Variants in SPPL2A observed in about 807,000 individuals in gnomAD.
SPPL2A encodes signal peptide peptidase-like 2A.
SPPL2A carries 51 observed loss-of-function variants against 63.8 expected under a neutral mutation model. The ratio of observed to expected loss-of-function variants is 0.80; its 90% CI spans 0.64 to 1.01. The LOEUF (loss-of-function observed/expected upper bound fraction) is 1.01. SPPL2A is among the 50% of genes least tolerant of loss of function. The pLI, the probability that SPPL2A is intolerant of heterozygous loss-of-function variation, is 0.00. For missense variants in SPPL2A, 553 were observed against 622.7 expected, an observed-to-expected ratio of 0.89 and a Z score of 1.19; for synonymous variants, 188 against 205.8, an observed-to-expected ratio of 0.91 and a Z score of 0.74.
Position 50,731,044 on chromosome 15 carries a change from CA to C in SPPL2A, c.1015-6del. ...GCCTAGAAGTATCACACATGACTGT[CA>C]AAGAAAGAAACAAAATTAAAGGTCA... On this transcript the variant is annotated splice_polypyrimidine_tract_variant and splice_region_variant and intron_variant, in intron 9 of 14. Transcript: ENST00000261854. 7.1e-7 allele frequency: 1 copy of C among 1,409,178 alleles called. No homozygotes were observed. The allele number at this position is 1,409,178 out of a possible 1,614,324, so 87.3% of individuals were successfully genotyped here.
intron 1 of SPPL2A, among the ~76,000 whole-genome samples, chr15:50,760,027 G>A (rs547699720): frequency 4.7e-4 from 72 of 152,296 alleles, no homozygotes; most frequent in South Asian, 1.0e-3. Flanking sequence ...TGAAGAACCT[G>A]AAAGTTAAAA....
At chr15:50,723,735 C>A (rs1192171427) in intron 12 of SPPL2A, among the ~76,000 whole-genome samples, 2 of 152,164 alleles carry the variant, frequency 1.3e-5, no homozygotes, top group African/African-American at 4.8e-5. Context: ...CTCAGTCTCC[C>A]AAAGGGCCGG....
Position 50,707,250 on chromosome 15 carries a change from C to CTGGG in SPPL2A, c.*546_*549dup, listed in dbSNP as rs2062516457. 3 of 152,414 alleles carry CTGGG rather than the reference C, an allele frequency of 2.0e-5. No individual in the cohort carries two copies. The highest frequency in any genetic ancestry group is 7.2e-5 in the African/African-American group (3 of 41,558). The allele number at this position is 152,414 out of a possible 1,614,324, so 9.4% of individuals were successfully genotyped here. A position where few individuals can be genotyped will look rare whatever the true frequency, so the allele number is the denominator to read the frequency against. On this transcript the variant is annotated 3_prime_UTR_variant, in exon 15 of 15. Transcript: ENST00000261854. Reference sequence around the variant, plus strand: ...TCTCCTGTCTCAGCCTTCCCAGTAGCTGGGACTACAGGCACCCTCCACCAC... The same window carrying CTGGG: ...TCTCCTGTCTCAGCCTTCCCAGTAGCTGGGTGGGACTACAGGCACCCTCCACCAC...
rs76048157 is a variant in SPPL2A, at chr15:50,706,429, G to A, written c.*1371C>T. On this transcript the variant is annotated 3_prime_UTR_variant, in exon 15 of 15. Coordinates refer to ENST00000261854, the MANE Select transcript of SPPL2A (RefSeq NM_032802.4). ...AAAAAAAAAGAAAACTGAGATACAA[G>A]GTCTTGAGATGCGGCAAATTACTCA... 6.7e-6 allele frequency: 1 copy of A among 148,254 alleles called. No individual in the cohort carries two copies. Among genetic ancestry groups the A allele is most frequent in the Non-Finnish European group, 1.5e-5 (1 of 67,288 alleles). The allele number at this position is 148,254 out of a possible 1,614,324, so 9.2% of individuals were successfully genotyped here. A position where few individuals can be genotyped will look rare whatever the true frequency, so the allele number is the denominator to read the frequency against.
At chr15:50,761,293 G>C (rs879348964) in intron 1 of SPPL2A, among the ~76,000 whole-genome samples, 6 of 152,136 alleles carry the variant, frequency 3.9e-5, no homozygotes, top group African/African-American at 7.2e-5. Context: ...GGAAGACTCA[G>C]GATTCTTCAA....
At chr15:50,708,275 A>T (rs2062527715) in intron 14 of SPPL2A, among the ~76,000 whole-genome samples, 1 of 152,256 alleles carries the variant, frequency 6.6e-6, no homozygotes, top group Non-Finnish European at 1.5e-5. Context: ...CACTGTGAGA[A>T]TACCTGCTGA....
chr15:50,726,710 C>T (rs1366717421), intron 10 of SPPL2A, among the ~76,000 whole-genome samples: 1 of 152,174 alleles, frequency 6.6e-6, no homozygotes, highest in East Asian at 1.9e-4. Flanking sequence ...ATTTTAGGTA[C>T]AGTACTTTTA....
At chr15:50,712,163 G>A (rs1409219389) in intron 14 of SPPL2A, among the ~76,000 whole-genome samples, 4 of 152,266 alleles carry the variant, frequency 2.6e-5, no homozygotes, top group Admixed American at 6.5e-5. Flanking sequence ...TTCCTAATAC[G>A]TAACAGCTAA....
At chr15:50,738,359 G>A (rs761678003) in intron 6 of SPPL2A, among the ~76,000 whole-genome samples, 1 of 152,036 alleles carries the variant, frequency 6.6e-6, no homozygotes, top group Non-Finnish European at 1.5e-5. Context: ...GACCAGCCTG[G>A]TCAACATAGT....
intron 1 of SPPL2A, among the ~76,000 whole-genome samples, chr15:50,760,954 A>G (rs1567169612): frequency 6.6e-6 from 1 of 152,118 alleles, no homozygotes; most frequent in Admixed American, 6.5e-5. Flanking sequence ...GCTATATGCT[A>G]CTTCAAATTC....
chr15:50,765,672 G>C lies in SPPL2A; in HGVS notation c.-139C>G. 4.4e-6 allele frequency: 2 copies of C among 452,728 alleles called. No homozygotes were observed. The highest frequency in any genetic ancestry group is 7.3e-6 in the Non-Finnish European group (2 of 272,942). The allele number at this position is 452,728 out of a possible 1,614,324, so 28.0% of individuals were successfully genotyped here. A position where few individuals can be genotyped will look rare whatever the true frequency, so the allele number is the denominator to read the frequency against. On this transcript the variant is annotated 5_prime_UTR_variant, in exon 1 of 15. Coordinates refer to ENST00000261854, the MANE Select transcript of SPPL2A (RefSeq NM_032802.4). ...CGGGCGGCCGGGCTACGACTGGACC[G>C]CCGCTGCTACAGCGGCCGCCACAGC...
At chr15:50,753,702 C>T (rs995928584) in intron 1 of SPPL2A, among the ~76,000 whole-genome samples, 2 of 152,118 alleles carry the variant, frequency 1.3e-5, no homozygotes, top group Non-Finnish European at 2.9e-5. Flanking sequence ...AAAAGAAATA[C>T]AAAAGATTAA....
At chr15:50,726,235 C>A in intron 11 of SPPL2A, 86 bp downstream of exon 11, 1 of 1,484,638 alleles carries the variant, frequency 6.7e-7, no homozygotes, top group South Asian at 1.2e-5. Context: ...CACTATGTGG[C>A]CAGTGAATTA....
chr15:50,740,387 A>AT (rs1190430461), intron 5 of SPPL2A, among the ~76,000 whole-genome samples: 1 of 140,084 alleles, frequency 7.1e-6, no homozygotes, highest in Non-Finnish European at 1.5e-5. Flanking sequence ...AGATCGTGCC[A>AT]TTGCACTCCA....
chr15:50,761,373 T>A (rs762830992), intron 1 of SPPL2A, among the ~76,000 whole-genome samples: 1 of 152,096 alleles, frequency 6.6e-6, no homozygotes, highest in African/African-American at 2.4e-5. Flanking sequence ...CCCCACACTT[T>A]GGGAGGATGA....
At chr15:50,763,559 G>A (rs1328381253) in intron 1 of SPPL2A, among the ~76,000 whole-genome samples, 1 of 152,114 alleles carries the variant, frequency 6.6e-6, no homozygotes, top group Non-Finnish European at 1.5e-5. Context: ...TATAGAACCC[G>A]AGATTACCAT....
Position 50,725,257 on chromosome 15 carries a change from C to G in SPPL2A, c.1213G>C (p.Val405Leu), listed in dbSNP as rs1251910703. The G allele has an allele frequency of 5.6e-6, 9 of 1,606,660 alleles. No individual in the cohort carries two copies. Among genetic ancestry groups the G allele is most frequent in the Non-Finnish European group, 6.8e-6 (8 of 1,175,720 alleles). ...ATGTCTCCAAAACCCAATATTGAAA[C>G]AGGCATGAGGCACACACTCATTACT... ...FSVMSVCLMP[V>L]SILGFGDIIV... is the part of the protein sequence containing the mutation. The change falls in exon 12 of 15, where the codon GTT becomes CTT. Residue 405 changes from valine (V) to leucine (L), a missense_variant. Physicochemically the swap from Val to Leu is conservative, Grantham distance 32. Transcript: ENST00000261854.
chr15:50,741,892 G>A lies in SPPL2A; in HGVS notation c.585-2064C>T, dbSNP rs536117108. ...GAGGCAGCAGAATCGCTTGAACCTG[G>A]GAGGCAGAGGTTGCAGTGAGCGAAG... On this transcript the variant is annotated intron_variant, in intron 5 of 14. Coordinates refer to ENST00000261854, the MANE Select transcript of SPPL2A (RefSeq NM_032802.4). Among the ~76,000 whole-genome samples, 19 of 152,030 alleles carry A rather than the reference G, an allele frequency of 1.2e-4. No homozygotes were observed. In the South Asian group the frequency reaches 3.7e-3, roughly 30 times the overall value.
In SPPL2A at chr15:50,725,211, A is replaced by G; in HGVS notation, c.1249+10T>C. On this transcript the variant is annotated intron_variant, in intron 12 of 14. Coordinates refer to ENST00000261854, the MANE Select transcript of SPPL2A (RefSeq NM_032802.4). ...TTTTTTTTTTAACTAAAATTGTTAC[A>G]ATTGCTTACCTGGTACAATAATGTC... 6.9e-7 allele frequency: 1 copy of G among 1,451,206 alleles called. No homozygotes were observed. The highest frequency in any genetic ancestry group is 9.6e-7 in the Non-Finnish European group (1 of 1,043,944). The allele number at this position is 1,451,206 out of a possible 1,614,324, so 89.9% of individuals were successfully genotyped here.
Sources: allele counts gnomAD v4.1 joint callset (sites outside exome capture counted in the v4.1 genomes callset), GRCh38; gene constraint gnomAD v4.1.1; transcripts MANE v1.5; gene names NCBI Gene and HGNC (gene_info 2026-07-23, HGNC 2026-07-21).